The following WIPF2 variants were observed in gnomAD, a reference collection of about 807,000 sequenced individuals.
WIPF2 encodes the protein WAS/WASL interacting protein family member 2, also known as WAS/WASL-interacting protein family member 2.
In WIPF2, 23 loss-of-function variants were observed where a neutral mutation model predicts 38.8. That is an observed-to-expected ratio of 0.59 (90% confidence interval 0.43 to 0.84). The LOEUF is 0.84. WIPF2 is among the 40% of genes least tolerant of loss of function. The probability of loss-of-function intolerance (pLI) is 0.00; values close to 1 mark genes in which losing one functional copy is unlikely to be tolerated. For synonymous variants in WIPF2, 210 were observed against 223.2 expected (o/e 0.94, Z 0.53); for missense variants, 574 against 580.5 (o/e 0.99, Z 0.11).
rs921971466 is a variant in WIPF2, at chr17:40,264,361, A to C, written c.314-129A>C. ...AAAAAAAAAAAAAAAAAAGAAAAAC[A>C]AAAAACCCAGAATTATTCAATTCCT... On this transcript the variant is annotated intron_variant, in intron 4 of 7. Coordinates refer to ENST00000323571, the MANE Select transcript of WIPF2 (RefSeq NM_133264.5). 5.3e-6 allele frequency: 4 copies of C among 754,756 alleles called. No homozygotes were observed. In the African/African-American group the frequency reaches 5.5e-5, roughly 10 times the overall value. 46.8% of individuals were successfully genotyped at this position (754,756 alleles called of 1,614,324 possible). A position where few individuals can be genotyped will look rare whatever the true frequency, so the allele number is the denominator to read the frequency against.
At chr17:40,236,463 G>C (rs936701678) in intron 1 of WIPF2, among the ~76,000 whole-genome samples, 5 of 148,246 alleles carry the variant, frequency 3.4e-5, no homozygotes, top group Non-Finnish European at 7.4e-5. Context: ...TCAGCCTCCC[G>C]AGTAGCTGGA....
intron 1 of WIPF2, among the ~76,000 whole-genome samples, chr17:40,222,654 G>GTTTTTTTT (rs58758484): frequency 1.3e-4 from 7 of 52,860 alleles, no homozygotes; most frequent in Non-Finnish European, 2.1e-4. Context: ...TGCATATTCA[G>GTTTTTTTT]TTTTTTTTTT....
intron 3 of WIPF2, among the ~76,000 whole-genome samples, chr17:40,261,258 T>C (rs1201459634): frequency 5.3e-5 from 8 of 152,060 alleles, no homozygotes. Flanking sequence ...TCATCTGAGA[T>C]GTGGAGAGAA....
intron 1 of WIPF2, among the ~76,000 whole-genome samples, chr17:40,250,079 G>A (rs915229571): frequency 2.6e-5 from 4 of 151,076 alleles, no homozygotes; most frequent in East Asian, 3.9e-4. Flanking sequence ...TGATCTGCCC[G>A]CCTCAGCCCC....
In WIPF2 at chr17:40,278,359, A is replaced by G. The variant is rs1162718729; in HGVS notation, c.*134A>G. On this transcript the variant is annotated 3_prime_UTR_variant, in exon 8 of 8. Coordinates refer to ENST00000323571, the MANE Select transcript of WIPF2 (RefSeq NM_133264.5). ...AATGCAATCAAGCCCTAGACTCCAA[A>G]TGTCCTCCCAGCTCACCTCCATCTA... is the stretch of plus-strand genomic sequence containing the variant. 6 of 1,019,730 alleles carry G rather than the reference A, an allele frequency of 5.9e-6. No homozygotes were observed. The highest frequency in any genetic ancestry group is 4.6e-5 in the Admixed American group (2 of 43,168). 63.2% of individuals were successfully genotyped at this position (1,019,730 alleles called of 1,614,324 possible). A position where few individuals can be genotyped will look rare whatever the true frequency, so the allele number is the denominator to read the frequency against.
intron 7 of WIPF2, among the ~76,000 whole-genome samples, chr17:40,277,723 C>CTTTTTTTGTTTTTTTTTTTTTTT (rs2032446821): frequency 1.0e-5 from 1 of 97,638 alleles, no homozygotes; most frequent in African/African-American, 5.6e-5. Context: ...CTTCGTTGTC[C>CTTTTTTTGTTTTTTTTTTTTTTT]TTTTTTTTTT....
Position 40,281,372 on chromosome 17 carries a change from C to G in WIPF2, c.*3147C>G, listed in dbSNP as rs1952468568. 1 of 152,218 alleles carries G rather than the reference C, an allele frequency of 6.6e-6. No individual in the cohort carries two copies. The highest frequency in any genetic ancestry group is 2.1e-4 in the South Asian group (1 of 4,834). 9.4% of individuals were successfully genotyped at this position (152,218 alleles called of 1,614,324 possible). Reference sequence around the variant, plus strand: ...TTTAAATGAGCTAGATGCCCCTCTTCCTCTTCTCTGGTCACTGAACCTGGA... The same window carrying G: ...TTTAAATGAGCTAGATGCCCCTCTTGCTCTTCTCTGGTCACTGAACCTGGA... On this transcript the variant is annotated 3_prime_UTR_variant, in exon 8 of 8. Transcript: ENST00000323571.
At chr17:40,238,895 G>A (rs551826612) in intron 1 of WIPF2, among the ~76,000 whole-genome samples, 280 of 150,390 alleles carry the variant, frequency 1.9e-3, no homozygotes, top group African/African-American at 6.5e-3. Flanking sequence ...ACAGACGTGA[G>A]CCACCGTGCC....
intron 1 of WIPF2, among the ~76,000 whole-genome samples, 199 bp from the exon 2 acceptor site, chr17:40,256,192 C>T (rs2031726529): frequency 6.6e-6 from 1 of 151,198 alleles, no homozygotes; most frequent in South Asian, 2.1e-4. Flanking sequence ...AAAAGATGTT[C>T]AGCATCATAA....
At chr17:40,222,217 C>G (rs1384772363) in intron 1 of WIPF2, among the ~76,000 whole-genome samples, 2 of 149,962 alleles carry the variant, frequency 1.3e-5, no homozygotes, top group African/African-American at 4.9e-5. Flanking sequence ...CCACGCCCAG[C>G]TAATTTTTGT....
intron 1 of WIPF2, among the ~76,000 whole-genome samples, chr17:40,233,608 G>A (rs1046207711): frequency 2.0e-5 from 3 of 151,916 alleles, no homozygotes; most frequent in Non-Finnish European, 2.9e-5. Flanking sequence ...CGCTGCACCT[G>A]GCTATACAGT....
At chr17:40,235,885 G>A (rs2030949095) in intron 1 of WIPF2, among the ~76,000 whole-genome samples, 1 of 148,712 alleles carries the variant, frequency 6.7e-6, no homozygotes, top group South Asian at 2.1e-4. Context: ...CTGGAGAGTG[G>A]GACTTTTTTG....
intron 1 of WIPF2, among the ~76,000 whole-genome samples, chr17:40,251,093 C>G (rs937090082): frequency 6.6e-6 from 1 of 151,498 alleles, no homozygotes; most frequent in South Asian, 2.1e-4. Flanking sequence ...TTTTATGTTT[C>G]TTAGTAGAGA....
intron 4 of WIPF2, 48 bp from the exon 5 acceptor site, chr17:40,264,442 C>A: frequency 6.3e-7 from 1 of 1,584,214 alleles, no homozygotes. Flanking sequence ...GGATACTGAC[C>A]AATATCTGTC....
intron 1 of WIPF2, among the ~76,000 whole-genome samples, chr17:40,244,780 T>C (rs535172240): frequency 6.6e-6 from 1 of 152,296 alleles, no homozygotes; most frequent in East Asian, 1.9e-4. Context: ...TACATTCCCA[T>C]GTTAGAATTT....
At chr17:40,221,724 G>GCGCGTGCTGC (rs1254956814) in intron 1 of WIPF2, among the ~76,000 whole-genome samples, 2 of 2 alleles carry the variant, frequency 1, 1 homozygote, top group Non-Finnish European at 1. Context: ...GGTACTATAG[G>GCGCGTGCTGC]CATGCACCAC....
intron 1 of WIPF2, 86 bp from the exon 2 acceptor site, chr17:40,256,305 G>C: frequency 4.5e-6 from 5 of 1,099,562 alleles, no homozygotes; most frequent in Non-Finnish European, 6.4e-6. Flanking sequence ...AGTCTCTTTT[G>C]ATTACCATGC....
chr17:40,240,869 C>T (rs1025814904), intron 1 of WIPF2, among the ~76,000 whole-genome samples: 2 of 149,262 alleles, frequency 1.3e-5, no homozygotes, highest in African/African-American at 2.5e-5. Flanking sequence ...GACATGAACC[C>T]GAGAGGTGGA....
At chr17:40,268,922 C>T (rs984354967) in intron 5 of WIPF2, among the ~76,000 whole-genome samples, 4 of 152,178 alleles carry the variant, frequency 2.6e-5, no homozygotes, top group Admixed American at 1.3e-4. Flanking sequence ...CACAGGCTCA[C>T]ACTTGTAATC....
Sources: allele counts gnomAD v4.1 joint callset (sites outside exome capture counted in the v4.1 genomes callset), GRCh38; gene constraint gnomAD v4.1.1; transcripts MANE v1.5; gene names NCBI Gene and HGNC (gene_info 2026-07-23, HGNC 2026-07-21).